The following SCD5 variants were observed in gnomAD, a reference collection of about 807,000 sequenced individuals.
The protein encoded by SCD5 is acyl-CoA-desaturase 4.
Under a neutral mutation model 30.4 loss-of-function variants are expected in SCD5, and 20 were observed. The observed-to-expected ratio is 0.66, with a 90% CI of 0.46 to 0.96. SCD5 has a LOEUF of 0.96. Among genes scored for constraint, SCD5 ranks in the 40% least tolerant of loss-of-function variants. The pLI is 0.00. For synonymous variants in SCD5, 173 were observed against 176.4 expected (o/e 0.98, Z 0.16); for missense variants, 381 against 443.3 (o/e 0.86, Z 1.26).
chr4:82,705,264 G>A lies in SCD5; in HGVS notation c.363+19C>T, dbSNP rs780256995. 1 of 1,613,798 alleles carries A rather than the reference G, an allele frequency of 6.2e-7. No homozygotes were observed. On this transcript the variant is annotated intron_variant, in intron 2 of 4. Transcript: ENST00000319540. The stretch of plus-strand genomic sequence containing the variant: ...TCTGCACTGGGTCTCCCAACACAGA[G>A]AGGACCCTCCATCCTCACCTGGAAA...
intron 1 of SCD5, among the ~76,000 whole-genome samples, chr4:82,735,580 C>T (rs1720732979): frequency 1.3e-5 from 2 of 152,204 alleles, no homozygotes; most frequent in Non-Finnish European, 2.9e-5. Flanking sequence ...CGTTACTGCT[C>T]GTTTTTCAAC....
At chr4:82,736,699 C>T (rs925711227) in intron 1 of SCD5, among the ~76,000 whole-genome samples, 1 of 152,000 alleles carries the variant, frequency 6.6e-6, no homozygotes, top group Non-Finnish European at 1.5e-5. Context: ...GGGTCTTGCT[C>T]TGTTGCCCAG....
At chr4:82,664,999 C>CTATATATATATATATATATA (rs70964800) in intron 3 of SCD5, among the ~76,000 whole-genome samples, 1 of 70,492 alleles carries the variant, frequency 1.4e-5, no homozygotes. Flanking sequence ...CTCTCTCTCT[C>CTATATATATATATATATATA]TATATATATA....
chr4:82,735,849 A>G (rs563659747), intron 1 of SCD5, among the ~76,000 whole-genome samples: 5 of 152,362 alleles, frequency 3.3e-5, no homozygotes, highest in Non-Finnish European at 7.3e-5. Context: ...TTCTGTATTC[A>G]TATCAATTAG....
chr4:82,781,244 A>C (rs551793759), intron 1 of SCD5, among the ~76,000 whole-genome samples: 1 of 152,094 alleles, frequency 6.6e-6, no homozygotes, highest in Admixed American at 6.6e-5. Context: ...GTGAAACCCT[A>C]TCTCTACTAA....
intron 4 of SCD5, among the ~76,000 whole-genome samples, chr4:82,636,019 G>A (rs1220103077): frequency 6.6e-6 from 1 of 152,172 alleles, no homozygotes; most frequent in Non-Finnish European, 1.5e-5. Context: ...ACATTTCCAT[G>A]GTCATGGTGA....
At chr4:82,664,882 T>A (rs1026993568) in intron 3 of SCD5, among the ~76,000 whole-genome samples, 1 of 149,720 alleles carries the variant, frequency 6.7e-6, no homozygotes, top group African/African-American at 2.5e-5. Flanking sequence ...TCTCAGCACT[T>A]TGGGAGGCCA....
At chr4:82,771,282 T>G (rs1721615045) in intron 1 of SCD5, among the ~76,000 whole-genome samples, 1 of 152,186 alleles carries the variant, frequency 6.6e-6, no homozygotes, top group Non-Finnish European at 1.5e-5. Context: ...GCTGGTTTAC[T>G]AACATACCCT....
At position 82,653,725 on chromosome 4, in the gene SCD5, TATAG is replaced by T. The variant is rs1320243019; in HGVS notation, c.570-16906_570-16903del. Among the ~76,000 whole-genome samples, 21 of 148,540 alleles carry T rather than the reference TATAG, an allele frequency of 1.4e-4. No homozygotes were observed. In the South Asian group the frequency reaches 4.2e-3, roughly 30 times the overall value. On this transcript the variant is annotated intron_variant, in intron 3 of 4. Coordinates refer to ENST00000319540, the MANE Select transcript of SCD5 (RefSeq NM_001037582.3). ...AGATAGATATAGATAGATAGATAGA[TATAG>T]ATAGATAGGCTTTCAAATTATGCCC...
intron 3 of SCD5, chr4:82,659,840 A>T (rs958779849): frequency 2.0e-5 from 3 of 152,190 alleles, no homozygotes; most frequent in Non-Finnish European, 2.9e-5. Context: ...TCTTAAATGT[A>T]AATGGGCTAA....
intron 1 of SCD5, among the ~76,000 whole-genome samples, chr4:82,741,166 T>C (rs1282258491): frequency 6.6e-6 from 1 of 151,174 alleles, no homozygotes; most frequent in Non-Finnish European, 1.5e-5. Flanking sequence ...CTCAAACTCC[T>C]GGGCCCAAGC....
At chr4:82,660,217 A>G (rs1727959686) in intron 3 of SCD5, 1 of 153,572 alleles carries the variant, frequency 6.5e-6, no homozygotes, top group Non-Finnish European at 1.4e-5. Context: ...CCATATAATA[A>G]TAGTGGGAGA....
intron 1 of SCD5, among the ~76,000 whole-genome samples, chr4:82,781,034 C>T (rs1367555603): frequency 1.3e-5 from 2 of 152,216 alleles, no homozygotes; most frequent in Admixed American, 1.3e-4. Flanking sequence ...GAGAGAAACG[C>T]AGCAGGGCCC....
intron 3 of SCD5, among the ~76,000 whole-genome samples, chr4:82,673,816 A>G (rs1317718110): frequency 6.6e-6 from 1 of 152,228 alleles, no homozygotes; most frequent in Admixed American, 6.5e-5. Flanking sequence ...TAATTGATCA[A>G]TGAATCATAA....
At chr4:82,645,711 A>C (rs1727623186) in intron 3 of SCD5, among the ~76,000 whole-genome samples, 1 of 152,226 alleles carries the variant, frequency 6.6e-6, no homozygotes, top group African/African-American at 2.4e-5. Context: ...TGGTCACAGA[A>C]CACAAATCCA....
intron 1 of SCD5, among the ~76,000 whole-genome samples, chr4:82,794,354 G>A (rs1483042989): frequency 1.3e-5 from 2 of 152,180 alleles, no homozygotes; most frequent in African/African-American, 4.8e-5. Context: ...ATGTCACTAT[G>A]GGACACATTT....
chr4:82,752,664 C>G (rs1020185373), intron 1 of SCD5, among the ~76,000 whole-genome samples: 3 of 152,134 alleles, frequency 2.0e-5, no homozygotes, highest in Admixed American at 2.0e-4. Context: ...AAAACTGGAC[C>G]TGGAGAAGCC....
chr4:82,691,742 A>G (rs907992815), intron 2 of SCD5: 1 of 152,168 alleles, frequency 6.6e-6, no homozygotes, highest in Non-Finnish European at 1.5e-5. Flanking sequence ...TCCGGATAGA[A>G]GCAGAGACCT....
At chr4:82,649,224 A>C (rs1173778944) in intron 3 of SCD5, among the ~76,000 whole-genome samples, 2 of 147,102 alleles carry the variant, frequency 1.4e-5, no homozygotes. Flanking sequence ...TGTGTGTGAG[A>C]TTCTTCACCT....
Sources: allele counts gnomAD v4.1 joint callset (sites outside exome capture counted in the v4.1 genomes callset), GRCh38; gene constraint gnomAD v4.1.1; transcripts MANE v1.5; gene names NCBI Gene and HGNC (gene_info 2026-07-23, HGNC 2026-07-21).